Variants in NDRG2 observed in about 807,000 individuals in gnomAD.
NDRG2 encodes protein NDRG2.
Under a neutral mutation model 58.2 loss-of-function variants are expected in NDRG2, and 34 were observed. That is an observed-to-expected ratio of 0.58 (90% CI 0.44 to 0.78). The LOEUF (loss-of-function observed/expected upper bound fraction) is 0.78, where lower values mean the gene tolerates loss of function less well. NDRG2 is among the 30% of genes least tolerant of loss of function. NDRG2 has a pLI of 0.00. For missense variants in NDRG2, 434 were observed against 471.2 expected, an observed-to-expected ratio of 0.92 and a Z score of 0.73; for synonymous variants, 187 against 175.9, an observed-to-expected ratio of 1.06 and a Z score of -0.50.
chr14:21,019,261 A>C lies in NDRG2; in HGVS notation c.717-101T>G, dbSNP rs943825198. The C allele has an allele frequency of 2.5e-6, 3 of 1,212,168 alleles. No homozygotes were observed. In the African/African-American group the frequency reaches 4.6e-5, roughly 19 times the overall value. The allele number at this position is 1,212,168 out of a possible 1,614,324, so 75.1% of individuals were successfully genotyped here. A position where few individuals can be genotyped will look rare whatever the true frequency, so the allele number is the denominator to read the frequency against. On this transcript the variant is annotated intron_variant, in intron 10 of 15. Transcript: ENST00000556147. ...ATGGAACTATCTTTGTCTAAAAATT[A>C]CGGTCAAATCTTGGTTATTAAAGGT...
intron 11 of NDRG2, 80 bp from the exon 12 acceptor site, chr14:21,018,894 A>G: frequency 1.3e-6 from 2 of 1,562,626 alleles, no homozygotes; most frequent in Admixed American, 1.8e-5. Context: ...GCAGCTGGAA[A>G]AATATCTGGC....
intron 1 of NDRG2, chr14:21,030,873 C>G: frequency 6.7e-7 from 1 of 1,499,346 alleles, no homozygotes; most frequent in Non-Finnish European, 9.0e-7. Flanking sequence ...GGGTACCTGG[C>G]GCTGTGCTAT....
rs1276919938 is a variant in NDRG2, at chr14:21,070,095, G to T, written c.24+733C>A. On this transcript the variant is annotated intron_variant, in intron 1 of 14. Transcript: ENST00000403829. This position sits in a 1 kb window ranked among gnomAD's most constrained non-coding sequence, Gnocchi z 4.7. ...AGAAGAAAGAAGGTTGCCGGTGAAC[G>T]GGACGGATAGGCTGGGGACGCCCGG... Among the ~76,000 whole-genome samples the T allele has an allele frequency of 2.0e-5, 3 of 151,998 alleles. No individual in the cohort carries two copies. The highest frequency in any genetic ancestry group is 7.2e-5 in the African/African-American group (3 of 41,386).
At chr14:21,019,063 C>G in intron 11 of NDRG2, 53 bp downstream of exon 11, 1 of 1,539,882 alleles carries the variant, frequency 6.5e-7, no homozygotes, top group Non-Finnish European at 8.8e-7. Context: ...GGGACACAAG[C>G]TCCTAGGGAA....
intron 1 of NDRG2, among the ~76,000 whole-genome samples, chr14:21,050,721 A>G (rs970616246): frequency 6.6e-6 from 1 of 152,208 alleles, no homozygotes; most frequent in African/African-American, 2.4e-5. Flanking sequence ...GGTAATAATA[A>G]TAATGGATCA....
At chr14:21,046,996 A>C (rs936190244) in intron 1 of NDRG2, 6 of 152,330 alleles carry the variant, frequency 3.9e-5, no homozygotes, top group African/African-American at 1.4e-4. Context: ...GCAGATGAAA[A>C]TTTGAATGTA....
At chr14:21,018,435 G>A (rs760139864) in intron 13 of NDRG2, 22 bp downstream of exon 13, 1 of 1,613,546 alleles carries the variant, frequency 6.2e-7, no homozygotes. Flanking sequence ...TGTGGACGGG[G>A]GCCCAGGAAC....
Position 21,022,471 on chromosome 14 carries a change from G to C in NDRG2, c.144C>G (p.Gly48=). Residue 48 remains glycine (G), a synonymous_variant, in exon 4 of 16, where the codon GGC becomes GGG. Transcript: ENST00000556147. ...GQTHSVETPY[G]SVTFTVYGTP... is the part of the protein sequence containing the mutation. ...TGCCATAGACAGTGAAAGTGACAGA[G>C]CCGTATGGTGTCTCCACAGAGTGAG... is the stretch of plus-strand genomic sequence containing the variant. 1 of 1,614,092 alleles carries C rather than the reference G, an allele frequency of 6.2e-7. No individual in the cohort carries two copies. Among genetic ancestry groups the C allele is most frequent in the Non-Finnish European group, 8.5e-7 (1 of 1,179,950 alleles).
At position 21,049,516 on chromosome 14, in the gene NDRG2, C is replaced by G. The variant is rs372780996; in HGVS notation, c.24+21312G>C. ...TAGCACAAGATGAAATTTCCTATCT[C>G]CATGGCTTTAGGGCTCTCCCAGTAG... is the stretch of plus-strand genomic sequence containing the variant. On this transcript the variant is annotated intron_variant, in intron 1 of 14. Coordinates refer to the NDRG2 transcript ENST00000403829. 3.5e-4 allele frequency among the ~76,000 whole-genome samples: 54 copies of G among 152,148 alleles called. 2 individuals are homozygous for G. In the East Asian group the frequency reaches 4.6e-3, roughly 13 times the overall value.
At chr14:21,054,261 T>C (rs571964636) in intron 1 of NDRG2, among the ~76,000 whole-genome samples, 2 of 152,152 alleles carry the variant, frequency 1.3e-5, no homozygotes, top group East Asian at 3.9e-4. Flanking sequence ...TAAGCATAAA[T>C]ATTTCTATCT....
intron 1 of NDRG2, chr14:21,043,370 G>C: frequency 6.2e-7 from 1 of 1,614,208 alleles, no homozygotes; most frequent in Non-Finnish European, 8.5e-7. Context: ...AGAAGCGACA[G>C]AACAAGTCTT....
At chr14:21,062,904 G>A (rs903175835) in intron 1 of NDRG2, among the ~76,000 whole-genome samples, 2 of 150,926 alleles carry the variant, frequency 1.3e-5, no homozygotes, top group African/African-American at 4.9e-5. Context: ...AATAGAGCCC[G>A]GGTGTTCAAG....
At chr14:21,033,611 G>A in intron 1 of NDRG2, 1 of 596,724 alleles carries the variant, frequency 1.7e-6, no homozygotes, top group Non-Finnish European at 3.0e-6. Flanking sequence ...GGGGCGAAGA[G>A]GGGGTAAACA....
intron 1 of NDRG2, among the ~76,000 whole-genome samples, chr14:21,067,727 C>A (rs901506182): frequency 6.7e-6 from 1 of 149,780 alleles, no homozygotes; most frequent in African/African-American, 2.5e-5. Context: ...ACTAAAAACA[C>A]ACGTATCAAC....
At chr14:21,053,786 A>G (rs1478650409) in intron 1 of NDRG2, among the ~76,000 whole-genome samples, 1 of 152,172 alleles carries the variant, frequency 6.6e-6, no homozygotes, top group Admixed American at 6.5e-5. Flanking sequence ...CCTGGGTGAC[A>G]GAGCAAGACC....
intron 1 of NDRG2, among the ~76,000 whole-genome samples, chr14:21,064,203 T>C (rs1411920826): frequency 6.6e-6 from 1 of 152,226 alleles, no homozygotes; most frequent in Non-Finnish European, 1.5e-5. Flanking sequence ...CAAATCTTTT[T>C]ATACCTTTTC....
chr14:21,023,286 T>G lies in NDRG2; in HGVS notation c.30A>C (p.Thr10=). MAELQEVQI[T]EEKPLLPGQT... Reference sequence around the variant, plus strand: ...GTCCTGGCAACAGTGGCTTCTCCTCTGTGATCTGCACCTCCTGCAGCTCCG... The same window carrying G: ...GTCCTGGCAACAGTGGCTTCTCCTCGGTGATCTGCACCTCCTGCAGCTCCG... Residue 10 remains threonine, a synonymous_variant, in exon 2 of 16, where the codon ACA becomes ACC. Coordinates refer to ENST00000556147, the MANE Select transcript of NDRG2 (RefSeq NM_001320329.2). The G allele has an allele frequency of 6.2e-7, 1 of 1,613,946 alleles. No individual in the cohort carries two copies. The highest frequency in any genetic ancestry group is 2.2e-5 in the East Asian group (1 of 44,890).
intron 1 of NDRG2, chr14:21,034,064 T>C: frequency 6.2e-7 from 1 of 1,614,194 alleles, no homozygotes; most frequent in Non-Finnish European, 8.5e-7. Context: ...AAGGGGCATG[T>C]ATCACATAAT....
chr14:21,049,077 T>G (rs931814573), intron 1 of NDRG2, among the ~76,000 whole-genome samples: 9 of 152,194 alleles, frequency 5.9e-5, no homozygotes, highest in South Asian at 2.1e-4. Flanking sequence ...GAAAATAAGT[T>G]GGAGGACTTA....
Sources: allele counts gnomAD v4.1 joint callset (sites outside exome capture counted in the v4.1 genomes callset), GRCh38; gene constraint gnomAD v4.1.1; non-coding constraint Gnocchi (gnomAD v3.1); transcripts MANE v1.5; gene names NCBI Gene and HGNC (gene_info 2026-07-23, HGNC 2026-07-21).